Variants in SNTG1 observed in about 807,000 individuals in gnomAD.
SNTG1 encodes the protein gamma-1-syntrophin.
SNTG1 carries 39 observed loss-of-function variants against 74.7 expected under a neutral mutation model. The observed-to-expected ratio is 0.52, with a 90% confidence interval of 0.40 to 0.68. SNTG1 has a LOEUF of 0.68. Ranked by LOEUF, SNTG1 falls within the 30% of genes least tolerant of loss-of-function variation. SNTG1 has a pLI of 0.00. For synonymous variants in SNTG1, 254 were observed against 217.1 expected, an observed-to-expected ratio of 1.17 and a Z score of -1.49; for missense variants, 685 against 609.5, an observed-to-expected ratio of 1.12 and a Z score of -1.30.
At chr8:50,504,153 T>A (rs1191091645) in intron 9 of SNTG1, among the ~76,000 whole-genome samples, 3 of 152,190 alleles carry the variant, frequency 2.0e-5, no homozygotes, top group Non-Finnish European at 4.4e-5. Context: ...CATCCATCCA[T>A]GTCCCTGCAG....
At chr8:50,790,771 T>C (rs986209556) in intron 18 of SNTG1, among the ~76,000 whole-genome samples, 2 of 151,956 alleles carry the variant, frequency 1.3e-5, no homozygotes, top group African/African-American at 4.8e-5. Context: ...TCAATCTATA[T>C]CAAATTATTG....
chr8:50,254,864 A>AAG (rs1563803930), intron 2 of SNTG1, among the ~76,000 whole-genome samples: 26 of 147,416 alleles, frequency 1.8e-4, no homozygotes, highest in East Asian at 1.4e-3. Context: ...AAAAAAAAAA[A>AAG]AAAGAAAGAA....
intron 1 of SNTG1, among the ~76,000 whole-genome samples, chr8:50,033,501 C>A (rs1250495854): frequency 6.6e-6 from 1 of 152,156 alleles, no homozygotes; most frequent in Non-Finnish European, 1.5e-5. Context: ...CCATAACAAA[C>A]ACCACGGACT....
At chr8:50,456,823 C>T (rs2093510791) in intron 8 of SNTG1, among the ~76,000 whole-genome samples, 1 of 152,088 alleles carries the variant, frequency 6.6e-6, no homozygotes. Flanking sequence ...CAGGATACAT[C>T]TCAGAAGGCA....
At chr8:50,148,330 G>A (rs552589001) in intron 1 of SNTG1, among the ~76,000 whole-genome samples, 1 of 152,238 alleles carries the variant, frequency 6.6e-6, no homozygotes, top group East Asian at 1.9e-4. Flanking sequence ...CTACTTTTGA[G>A]TGTAGGTTGG....
intron 16 of SNTG1, among the ~76,000 whole-genome samples, chr8:50,707,519 T>C (rs549855426): frequency 7.2e-5 from 11 of 152,292 alleles, no homozygotes; most frequent in Admixed American, 2.0e-4. Context: ...TTTTCTATGC[T>C]AATAAGGCTT....
In SNTG1 at chr8:50,429,982, T is replaced by C. The variant is rs566764678; in HGVS notation, c.163-8561T>C. On this transcript the variant is annotated intron_variant, in intron 4 of 18. Transcript: ENST00000642720. ...AGGTTTATTGAGAATATGGAGAAAT[T>C]GAAATTCTCATACATTGTTGATGAG... 2.0e-5 allele frequency among the ~76,000 whole-genome samples: 3 copies of C among 152,230 alleles called. No homozygotes were observed. In the South Asian group the frequency reaches 6.2e-4, roughly 32 times the overall value.
chr8:50,654,786 T>A (rs2095170128), intron 13 of SNTG1, among the ~76,000 whole-genome samples: 1 of 152,212 alleles, frequency 6.6e-6, no homozygotes, highest in African/African-American at 2.4e-5. Flanking sequence ...ATTTTCTGGA[T>A]CATCTCAATG....
intron 8 of SNTG1, chr8:50,491,358 T>G (rs1037234738): frequency 6.6e-6 from 1 of 152,344 alleles, no homozygotes; most frequent in African/African-American, 2.4e-5. Context: ...GAAAGCTTCA[T>G]GTACGGGAAA....
At chr8:50,734,630 G>A (rs28432973) in intron 17 of SNTG1, among the ~76,000 whole-genome samples, 32,555 of 146,458 alleles carry the variant, frequency 0.22, 3,780 homozygotes, top group South Asian at 0.32. Context: ...TCTCTCTTTC[G>A]CTCTCTCATC....
intron 10 of SNTG1, 65 bp from the exon 11 acceptor site, chr8:50,536,612 GT>G (rs1563539751): frequency 1.3e-6 from 2 of 1,562,394 alleles, no homozygotes; most frequent in African/African-American, 2.7e-5. Flanking sequence ...GATAAAAGGG[GT>G]TTGAGATACA....
intron 12 of SNTG1, among the ~76,000 whole-genome samples, chr8:50,582,402 A>G (rs57253126): frequency 0.023 from 3,552 of 152,262 alleles, 153 homozygotes; most frequent in African/African-American, 0.08. Context: ...AATAAATTAC[A>G]AAAGAAAAGT....
chr8:50,246,530 A>G (rs1356682673), intron 2 of SNTG1, among the ~76,000 whole-genome samples: 1 of 151,728 alleles, frequency 6.6e-6, no homozygotes, highest in Non-Finnish European at 1.5e-5. Context: ...GCTTAATTAG[A>G]AAAGAAAGAA....
At chr8:49,937,997 T>A (rs1808240520) in intron 1 of SNTG1, among the ~76,000 whole-genome samples, 1 of 152,192 alleles carries the variant, frequency 6.6e-6, no homozygotes, top group Non-Finnish European at 1.5e-5. Flanking sequence ...CAGTCTTAAA[T>A]TCGGCCTTGT....
intron 12 of SNTG1, among the ~76,000 whole-genome samples, chr8:50,566,145 T>A (rs1261803179): frequency 6.6e-6 from 1 of 151,888 alleles, no homozygotes; most frequent in East Asian, 1.9e-4. Flanking sequence ...CATAGAAAAA[T>A]TTTGTTTTGT....
At chr8:50,440,608 T>C (rs1205015487) in intron 5 of SNTG1, among the ~76,000 whole-genome samples, 2 of 152,230 alleles carry the variant, frequency 1.3e-5, no homozygotes, top group Non-Finnish European at 2.9e-5. Flanking sequence ...TTTACAGTTT[T>C]CAGGAGCAAT....
At chr8:50,018,345 A>G (rs1355503528) in intron 1 of SNTG1, among the ~76,000 whole-genome samples, 1 of 152,052 alleles carries the variant, frequency 6.6e-6, no homozygotes, top group African/African-American at 2.4e-5. Context: ...AAGACTTTAC[A>G]TTTACACTCA....
At chr8:49,979,252 G>A (rs957982529) in intron 1 of SNTG1, among the ~76,000 whole-genome samples, 1 of 152,196 alleles carries the variant, frequency 6.6e-6, no homozygotes, top group African/African-American at 2.4e-5. Context: ...CTGGGACTGA[G>A]TGTCCTCCTC....
intron 13 of SNTG1, among the ~76,000 whole-genome samples, chr8:50,632,033 TGAGGTC>T (rs952533777): frequency 1.2e-4 from 18 of 152,026 alleles, no homozygotes; most frequent in Non-Finnish European, 2.4e-4. Context: ...TACTTCAAAA[TGAGGTC>T]ACTTGAAATA....
Sources: gnomAD v4.1 joint callset for allele counts (sites outside exome capture counted in the v4.1 genomes callset) on GRCh38, gnomAD v4.1.1 for gene constraint, MANE v1.5 for transcripts, NCBI Gene and HGNC (gene_info 2026-07-23, HGNC 2026-07-21) for gene names.